The following RSL1D1 variants were observed in gnomAD, a reference collection of about 807,000 sequenced individuals.
The protein encoded by RSL1D1 is ribosomal L1 domain-containing protein 1.
In RSL1D1, 34 loss-of-function variants were observed where a neutral mutation model predicts 44.6. That is an observed-to-expected ratio of 0.76 (90% CI 0.58 to 1.02). The LOEUF is 1.02. Ranked by LOEUF, RSL1D1 falls within the 50% of genes least tolerant of loss-of-function variation. The pLI is 0.00. For missense variants in RSL1D1, 767 were observed against 568.1 expected, an observed-to-expected ratio of 1.35 and a Z score of -3.56; for synonymous variants, 271 against 207.4, an observed-to-expected ratio of 1.31 and a Z score of -2.63.
rs899030231 is a variant in RSL1D1 at position 11,837,512 on chromosome 16, A to T, written c.*275T>A. The T allele has an allele frequency of 1.8e-5, 5 of 279,138 alleles. No homozygotes were observed. The highest frequency in any genetic ancestry group is 2.7e-5 in the Non-Finnish European group (4 of 148,728). The allele number at this position is 279,138 out of a possible 1,614,324, so 17.3% of individuals were successfully genotyped here. On this transcript the variant is annotated 3_prime_UTR_variant, in exon 9 of 9. Transcript: ENST00000571133. ...ATTACAGGTGTCCACCACCATGCCC[A>T]ATTAATTTTTGTATTTTTGGTACAG...
chr16:11,837,571 G>C lies in RSL1D1; in HGVS notation c.*216C>G, dbSNP rs1201160135. The C allele has an allele frequency of 1.0e-5, 5 of 478,926 alleles. No individual in the cohort carries two copies. Among genetic ancestry groups the C allele is most frequent in the African/African-American group, 5.9e-5 (3 of 50,584 alleles). The allele number at this position is 478,926 out of a possible 1,614,324, so 29.7% of individuals were successfully genotyped here. A position where few individuals can be genotyped will look rare whatever the true frequency, so the allele number is the denominator to read the frequency against. Reference sequence around the variant, plus strand: ...TCACCATGTTGGCCAGGATGGTCTCGATCTCGTTGACCTTGTGATCCGCCT... The same window carrying C: ...TCACCATGTTGGCCAGGATGGTCTCCATCTCGTTGACCTTGTGATCCGCCT... On this transcript the variant is annotated 3_prime_UTR_variant, in exon 9 of 9. Coordinates refer to ENST00000571133, the MANE Select transcript of RSL1D1 (RefSeq NM_015659.3).
intron 1 of RSL1D1, 24 bp downstream of exon 1, chr16:11,851,384 C>G (rs760338352): frequency 8.7e-6 from 14 of 1,609,060 alleles, no homozygotes; most frequent in South Asian, 6.6e-5. Flanking sequence ...TGCTTCCAAG[C>G]CACCCTCCCC....
chr16:11,846,437 G>GTA lies in RSL1D1; in HGVS notation c.635+62_635+63dup, dbSNP rs995481579. 1.4e-5 allele frequency: 12 copies of GTA among 865,724 alleles called. No homozygotes were observed. The African/African-American group carries it at 1.8e-4, about 13-fold the overall frequency. 53.6% of individuals were successfully genotyped at this position (865,724 alleles called of 1,614,324 possible). Reference sequence around the variant, plus strand: ...ACAAAAAACAAAACAAAACGAATAAGTATATATAAAATCATTGTCAAATAC... The same window carrying GTA: ...ACAAAAAACAAAACAAAACGAATAAGTATATATATAAAATCATTGTCAAATAC... On this transcript the variant is annotated intron_variant, in intron 5 of 8. Coordinates refer to ENST00000571133, the MANE Select transcript of RSL1D1 (RefSeq NM_015659.3).
chr16:11,840,004 C>G lies in RSL1D1; in HGVS notation c.856-19G>C. 2 of 1,607,612 alleles carry G rather than the reference C, an allele frequency of 1.2e-6. No homozygotes were observed. The highest frequency in any genetic ancestry group is 2.2e-5 in the South Asian group (2 of 90,452). ...TTGCCTCCTACCAAAAAACACCATA[C>G]AAACATTTTAGCAGGAACAGTTCTG... On this transcript the variant is annotated intron_variant, in intron 7 of 8. Coordinates refer to ENST00000571133, the MANE Select transcript of RSL1D1 (RefSeq NM_015659.3).
rs1596444075 is a variant in RSL1D1, at chr16:11,851,210, G to T, written c.105+198C>A. Reference sequence around the variant, plus strand: ...CACACTTGCAACCCAATTCACTAGCGCCAGGCCGCAGGACCAGGGAAAGCA... The same window carrying T: ...CACACTTGCAACCCAATTCACTAGCTCCAGGCCGCAGGACCAGGGAAAGCA... On this transcript the variant is annotated intron_variant, in intron 1 of 8. Coordinates refer to ENST00000571133, the MANE Select transcript of RSL1D1 (RefSeq NM_015659.3). 11 of 634,848 alleles carry T rather than the reference G, an allele frequency of 1.7e-5. No homozygotes were observed. The East Asian group carries it at 3.1e-4, about 18-fold the overall frequency. 39.3% of individuals were successfully genotyped at this position (634,848 alleles called of 1,614,324 possible). A position where few individuals can be genotyped will look rare whatever the true frequency, so the allele number is the denominator to read the frequency against.
In RSL1D1 at chr16:11,841,776, C is replaced by T. The variant is rs758033733; in HGVS notation, c.774G>A (p.Ser258=). The part of the protein sequence containing the change: ...VKLLFVKTEK[S]AALPIFSSFV... ...ACGAGGAAAAGATGGGAAGTGCAGC[C>T]GATTTCTCAGTTTTCACAAACAGGA... The change falls in exon 7 of 9, where the codon TCG becomes TCA. Residue 258 remains serine, a synonymous_variant. Coordinates refer to ENST00000571133, the MANE Select transcript of RSL1D1 (RefSeq NM_015659.3). 3.7e-6 allele frequency: 6 copies of T among 1,613,990 alleles called. No individual in the cohort carries two copies. The highest frequency in any genetic ancestry group is 2.2e-5 in the South Asian group (2 of 91,040).
rs1454028889 is a variant in RSL1D1 at position 11,836,096 on chromosome 16, G to A, written c.*1691C>T. On this transcript the variant is annotated 3_prime_UTR_variant, in exon 9 of 9. Transcript: ENST00000571133. ...GAGCAAATGCTAAACCATCACAGCT[G>A]TAAATCATGTGCTTAATGCAAGGTG... 2 of 152,180 alleles carry A rather than the reference G, an allele frequency of 1.3e-5. No individual in the cohort carries two copies. The highest frequency in any genetic ancestry group is 2.9e-5 in the Non-Finnish European group (2 of 68,030). 9.4% of individuals were successfully genotyped at this position (152,180 alleles called of 1,614,324 possible).
At chr16:11,843,926 G>C (rs895154111) in intron 5 of RSL1D1, among the ~76,000 whole-genome samples, 2 of 144,746 alleles carry the variant, frequency 1.4e-5, no homozygotes, top group Middle Eastern at 3.8e-3. Flanking sequence ...TGGTGGAATA[G>C]TGTCTTTCAG....
chr16:11,850,359 C>T lies in RSL1D1; in HGVS notation c.165G>A (p.Gly55=), dbSNP rs1169457631. 3.1e-6 allele frequency: 5 copies of T among 1,600,378 alleles called. No homozygotes were observed. Among genetic ancestry groups the T allele is most frequent in the African/African-American group, 2.7e-5 (2 of 74,040 alleles). ...THCKSRKNNY[G]LLLNENESLF... is the part of the protein sequence containing the mutation. ...AACTTTCATTCTCATTCAAAAGCAA[C>T]CCATAATTGTTTTTCCTGGACTTGC... Residue 55 remains glycine, a synonymous_variant, in exon 2 of 9, where the codon GGG becomes GGA. Transcript: ENST00000571133.
At chr16:11,838,674 T>C (rs530032643) in intron 8 of RSL1D1, among the ~76,000 whole-genome samples, 32 of 150,940 alleles carry the variant, frequency 2.1e-4, no homozygotes, top group Admixed American at 8.6e-4. Flanking sequence ...CTGGCCAACA[T>C]GGCAAAACCC....
rs141960183 is a variant in RSL1D1 at position 11,846,589 on chromosome 16, C to G, written c.547G>C (p.Val183Leu). The G allele has an allele frequency of 1.1e-5, 18 of 1,609,652 alleles. No homozygotes were observed. Among genetic ancestry groups the G allele is most frequent in the Admixed American group, 8.4e-5 (5 of 59,540 alleles). ...FYQRKKVPVS[V>L]NLLSKNLSRE... ...GATAAATTCTTGGACAGAAGGTTTA[C>G]AGATACTGGAACTCTACAAAATAAA... Residue 183 changes from valine to leucine, a missense_variant, in exon 5 of 9, where the codon GTA (valine) becomes CTA (leucine). Val to Leu is a conservative substitution (Grantham distance 32, BLOSUM62 1). Coordinates refer to ENST00000571133, the MANE Select transcript of RSL1D1 (RefSeq NM_015659.3).
At position 11,836,896 on chromosome 16, in the gene RSL1D1, G is replaced by GT. The variant is rs2053724461; in HGVS notation, c.*890_*891insA. 6.6e-6 allele frequency: 1 copy of GT among 152,202 alleles called. No homozygotes were observed. Among genetic ancestry groups the GT allele is most frequent in the African/African-American group, 2.4e-5 (1 of 41,442 alleles). The allele number at this position is 152,202 out of a possible 1,614,324, so 9.4% of individuals were successfully genotyped here. A position where few individuals can be genotyped will look rare whatever the true frequency, so the allele number is the denominator to read the frequency against. On this transcript the variant is annotated 3_prime_UTR_variant, in exon 9 of 9. Transcript: ENST00000571133. The stretch of plus-strand genomic sequence containing the variant: ...TGTGAATAATGGTTGAGCAGGTGAG[G>GT]AAAAGGGTCACATCACAGACCTCAA...
intron 7 of RSL1D1, among the ~76,000 whole-genome samples, chr16:11,840,927 C>T (rs1257574285): frequency 6.6e-6 from 1 of 152,176 alleles, no homozygotes; most frequent in African/African-American, 2.4e-5. Context: ...CAGCCACCTA[C>T]AACCGTGGAT....
intron 8 of RSL1D1, among the ~76,000 whole-genome samples, chr16:11,839,377 A>G (rs368781601): frequency 0.01 from 969 of 92,620 alleles, 14 homozygotes; most frequent in African/African-American, 0.043. Flanking sequence ...AAAAAAAAGC[A>G]AAGCAAAAAA....
rs1369093761 is a variant in RSL1D1 at position 11,841,832 on chromosome 16, A to G, written c.730-12T>C. The G allele has an allele frequency of 1.9e-6, 3 of 1,574,992 alleles. No individual in the cohort carries two copies. The highest frequency in any genetic ancestry group is 2.6e-6 in the Non-Finnish European group (3 of 1,149,338). ...ACGCTCTCCCACTTCTGAAACAAAG[A>G]AAAGAGTAACATCGTCTACATATAC... On this transcript the variant is annotated splice_polypyrimidine_tract_variant and intron_variant, in intron 6 of 8. Transcript: ENST00000571133.
rs760949323 is a variant in RSL1D1, at chr16:11,846,769, A to G, written c.459T>C (p.Asp153=). The change falls in exon 4 of 9, where the codon GAT becomes GAC. Residue 153 remains aspartate (D), a synonymous_variant. Transcript: ENST00000571133. ...TAATTCTGGCATCAGTAAGGAAGAA[A>G]TCAAAACTGCTCAGAAGGCGGAGCT... ...EAKLRLLSSF[D]FFLTDARIRR... The G allele has an allele frequency of 6.2e-7, 1 of 1,613,720 alleles. No individual in the cohort carries two copies. The highest frequency in any genetic ancestry group is 1.1e-5 in the South Asian group (1 of 91,090).
chr16:11,845,029 G>T (rs892823828), intron 5 of RSL1D1, among the ~76,000 whole-genome samples: 1 of 152,152 alleles, frequency 6.6e-6, no homozygotes, highest in Non-Finnish European at 1.5e-5. Context: ...TCCAGGGTAA[G>T]GTTAAACCAA....
chr16:11,846,242 G>A (rs921602585), intron 5 of RSL1D1, among the ~76,000 whole-genome samples: 1 of 150,790 alleles, frequency 6.6e-6, no homozygotes, highest in African/African-American at 2.4e-5. Context: ...AATACAAAAA[G>A]AAATTAGCCG....
In RSL1D1 at chr16:11,851,488, G is replaced by C; in HGVS notation, c.25C>G (p.Leu9Val). 2.5e-6 allele frequency: 4 copies of C among 1,613,970 alleles called. No homozygotes were observed. The highest frequency in any genetic ancestry group is 1.1e-5 in the South Asian group (1 of 91,076). Residue 9 changes from leucine to valine, a missense_variant, in exon 1 of 9, where the codon CTG (leucine) becomes GTG (valine). Transcript: ENST00000571133. MEDSASASLSSAAATGTST... is the reference protein window; with the variant it reads MEDSASASVSSAAATGTST... ...GTTCCAGTAGCGGCTGCAGAAGACA[G>C]CGAGGCCGAGGCCGAATCCTCCATC... is the stretch of plus-strand genomic sequence containing the variant.
Sources: gnomAD v4.1 joint callset for allele counts (sites outside exome capture counted in the v4.1 genomes callset) on GRCh38, gnomAD v4.1.1 for gene constraint, MANE v1.5 for transcripts, NCBI Gene and HGNC (gene_info 2026-07-23, HGNC 2026-07-21) for gene names.